PCDHA4: variants seen among roughly 807,000 people sequenced by gnomAD.
The protein encoded by PCDHA4 is protocadherin alpha 4.
A neutral mutation model predicts 61.4 loss-of-function variants in PCDHA4; 49 were observed. The observed-to-expected ratio is 0.80, with a 90% CI of 0.63 to 1.01. The LOEUF is 1.01. Among genes scored for constraint, PCDHA4 ranks in the 50% least tolerant of loss-of-function variants. The pLI is 0.00. For synonymous variants in PCDHA4, 590 were observed against 550.3 expected, an observed-to-expected ratio of 1.07 and a Z score of -1.01; for missense variants, 1,254 against 1,235.8, an observed-to-expected ratio of 1.01 and a Z score of -0.22.
intron 1 of PCDHA4, chr5:140,816,153 G>A (rs2126669900): frequency 1.3e-5 from 2 of 152,238 alleles, no homozygotes; most frequent in Admixed American, 6.5e-5. Flanking sequence ...CAGCCTGCTC[G>A]AGGATGTCCT....
intron 1 of PCDHA4, among the ~76,000 whole-genome samples, chr5:140,893,497 G>GA (rs1157700367): frequency 4.1e-4 from 62 of 150,170 alleles, no homozygotes; most frequent in African/African-American, 1.2e-3. Context: ...TCACAAAAAA[G>GA]AAAAAAAAAG....
intron 1 of PCDHA4, among the ~76,000 whole-genome samples, chr5:140,971,717 T>C (rs2096494226): frequency 6.6e-6 from 1 of 152,012 alleles, no homozygotes; most frequent in Non-Finnish European, 1.5e-5. Flanking sequence ...TATAGATATA[T>C]GTATATCATA....
intron 3 of PCDHA4, among the ~76,000 whole-genome samples, chr5:140,989,708 G>T (rs2097355537): frequency 6.6e-6 from 1 of 152,154 alleles, no homozygotes; most frequent in South Asian, 2.1e-4. Context: ...ATCTTCAGAG[G>T]CAGTCAGCTT....
At chr5:140,927,616 G>C in intron 1 of PCDHA4, 1 of 1,614,164 alleles carries the variant, frequency 6.2e-7, no homozygotes, top group Non-Finnish European at 8.5e-7. Flanking sequence ...CCGCACCAAG[G>C]TTCCAGAGAC....
intron 1 of PCDHA4, among the ~76,000 whole-genome samples, chr5:140,937,638 C>T (rs1563161991): frequency 6.7e-6 from 1 of 150,048 alleles, no homozygotes; most frequent in Non-Finnish European, 1.5e-5. Flanking sequence ...AAAGGCAGGG[C>T]ATGGTGGCTC....
intron 1 of PCDHA4, chr5:140,861,573 G>T: frequency 2.7e-6 from 1 of 368,992 alleles, no homozygotes. Context: ...GCTGCTACAG[G>T]TTTTCCATGT....
At chr5:141,000,361 GTCTC>G (rs148596731) in intron 3 of PCDHA4, among the ~76,000 whole-genome samples, 1,917 of 26,274 alleles carry the variant, frequency 0.073, 118 homozygotes, top group African/African-American at 0.11. Flanking sequence ...GTCTCTCTCT[GTCTC>G]TCTCTCTCTC....
chr5:140,897,739 T>A (rs2066296532), intron 1 of PCDHA4, among the ~76,000 whole-genome samples: 1 of 152,176 alleles, frequency 6.6e-6, no homozygotes, highest in Admixed American at 6.5e-5. Flanking sequence ...GTATTTCTAG[T>A]TCTAGATCCC....
chr5:140,988,445 A>G (rs1554250148), intron 3 of PCDHA4, among the ~76,000 whole-genome samples: 2 of 152,168 alleles, frequency 1.3e-5, no homozygotes, highest in African/African-American at 2.4e-5. Context: ...ATTGACCTGA[A>G]GGGAGGAAGC....
At chr5:140,983,165 T>A (rs947834633) in intron 3 of PCDHA4, among the ~76,000 whole-genome samples, 14 of 152,220 alleles carry the variant, frequency 9.2e-5, no homozygotes, top group Admixed American at 4.6e-4. Context: ...TTGCCAAACA[T>A]GACCGCCTCA....
chr5:140,983,340 A>AG (rs2097043854), intron 3 of PCDHA4, among the ~76,000 whole-genome samples: 1 of 152,240 alleles, frequency 6.6e-6, no homozygotes, highest in African/African-American at 2.4e-5. Flanking sequence ...TCACTAAAGC[A>AG]GGGTCATGTA....
At chr5:140,823,775 C>A (rs2150129029) in intron 1 of PCDHA4, 3 of 1,613,850 alleles carry the variant, frequency 1.9e-6, no homozygotes, top group African/African-American at 2.7e-5. Context: ...GTGCTGGTGT[C>A]GCTGGTGGAA....
In PCDHA4 at chr5:140,952,330, C is replaced by A. The variant is rs564242872; in HGVS notation, c.2386-26619C>A. On this transcript the variant is annotated intron_variant, in intron 1 of 3. Transcript: ENST00000530339. ...TCCAGCCTGGGCAACAAGAGTGAAACTCCATCTCAAAAAAAAAAAAAAAAG... is the reference window on the plus strand; with the variant it reads ...TCCAGCCTGGGCAACAAGAGTGAAAATCCATCTCAAAAAAAAAAAAAAAAG... Among the ~76,000 whole-genome samples the A allele has an allele frequency of 2.2e-4, 26 of 120,342 alleles. No individual in the cohort carries two copies. The South Asian group carries it at 3.3e-3, about 15-fold the overall frequency. The allele number at this position is 120,342 out of a possible 152,430, so 78.9% of individuals were successfully genotyped here. A position where few individuals can be genotyped will look rare whatever the true frequency, so the allele number is the denominator to read the frequency against.
At chr5:140,828,728 A>G in intron 1 of PCDHA4, 2 of 1,614,238 alleles carry the variant, frequency 1.2e-6, no homozygotes, top group East Asian at 2.2e-5. Context: ...CTTATTCCTG[A>G]CAGCCACAGA....
chr5:140,857,463 A>G (rs782545869), intron 1 of PCDHA4: 3 of 1,598,592 alleles, frequency 1.9e-6, no homozygotes, highest in Non-Finnish European at 2.6e-6. Context: ...CCAGGCTGCC[A>G]CATCTTCACG....
At chr5:140,956,650 GATGCTGGCCTTA>G (rs2095299191) in intron 1 of PCDHA4, among the ~76,000 whole-genome samples, 1 of 152,154 alleles carries the variant, frequency 6.6e-6, no homozygotes, top group Non-Finnish European at 1.5e-5. Context: ...GTATCAGGAT[GATGCTGGCCTTA>G]AAGGAGTTAG....
rs1554138258 is a variant in PCDHA4 at position 140,841,498 on chromosome 5, G to C, written c.2385+31926G>C. ...ACCTGGGGCTGGAGCTGGCGGAGCT[G>C]GTGCCGCGCCTGTTCCGGGTGGCGT... is the stretch of plus-strand genomic sequence containing the variant. On this transcript the variant is annotated intron_variant, in intron 1 of 3. Coordinates refer to ENST00000530339, the MANE Select transcript of PCDHA4 (RefSeq NM_018907.4). 5 of 1,613,284 alleles carry C rather than the reference G, an allele frequency of 3.1e-6. No individual in the cohort carries two copies. The Admixed American group carries it at 6.7e-5, about 22-fold the overall frequency.
At chr5:140,846,148 T>A (rs1780222185) in intron 1 of PCDHA4, among the ~76,000 whole-genome samples, 1 of 149,706 alleles carries the variant, frequency 6.7e-6, no homozygotes, top group South Asian at 2.1e-4. Flanking sequence ...TATTTAAAAG[T>A]TGCCTGAGAT....
chr5:140,837,381 G>T (rs183895134), intron 1 of PCDHA4, among the ~76,000 whole-genome samples: 1 of 151,662 alleles, frequency 6.6e-6, no homozygotes, highest in Non-Finnish European at 1.5e-5. Flanking sequence ...TTTTTATTTT[G>T]TTCCTTGTTT....
Sources: gnomAD v4.1 joint callset for allele counts (sites outside exome capture counted in the v4.1 genomes callset) on GRCh38, gnomAD v4.1.1 for gene constraint, MANE v1.5 for transcripts, NCBI Gene and HGNC (gene_info 2026-07-23, HGNC 2026-07-21) for gene names.